NCOA4: variants seen among roughly 807,000 people sequenced by gnomAD.
NCOA4 encodes the protein nuclear receptor coactivator 4.
In NCOA4, 31 loss-of-function variants were observed where a neutral mutation model predicts 69.5. The observed-to-expected ratio is 0.45, with a 90% CI of 0.34 to 0.60. The LOEUF is 0.60. NCOA4 is among the 20% of genes least tolerant of loss of function. The probability of loss-of-function intolerance (pLI) is 0.02; values close to 1 mark genes in which losing one functional copy is unlikely to be tolerated. For missense variants in NCOA4, 600 were observed against 719.2 expected, an observed-to-expected ratio of 0.83 and a Z score of 1.90; for synonymous variants, 228 against 252.4, an observed-to-expected ratio of 0.90 and a Z score of 0.92.
chr10:46,014,224 C>T (rs1554922475), intron 5 of NCOA4, among the ~76,000 whole-genome samples: 1 of 152,094 alleles, frequency 6.6e-6, no homozygotes, highest in African/African-American at 2.4e-5. Flanking sequence ...ACCATGTTGG[C>T]CAGGCTGGTC....
chr10:46,011,460 A>G (rs1236531539), intron 7 of NCOA4, among the ~76,000 whole-genome samples: 2 of 149,688 alleles, frequency 1.3e-5, no homozygotes, highest in African/African-American at 4.9e-5. Context: ...TATTTTTAGT[A>G]GAGACGGGGT....
chr10:46,022,995 C>G (rs1408120989), intron 1 of NCOA4, among the ~76,000 whole-genome samples: 2 of 152,200 alleles, frequency 1.3e-5, no homozygotes, highest in Non-Finnish European at 1.5e-5. Flanking sequence ...TCAGAGTTTA[C>G]TAGGCTCAGA....
intron 1 of NCOA4, among the ~76,000 whole-genome samples, chr10:46,025,247 A>G (rs1483065278): frequency 2.6e-5 from 4 of 152,200 alleles, no homozygotes; most frequent in African/African-American, 9.7e-5. Context: ...AAGACAGGAG[A>G]GGAAGAATGT....
intron 2 of NCOA4, among the ~76,000 whole-genome samples, chr10:46,015,757 C>T (rs1374913979): frequency 6.6e-6 from 1 of 152,146 alleles, no homozygotes; most frequent in East Asian, 1.9e-4. Flanking sequence ...CTTTTCTCAC[C>T]CCACAGAATG....
chr10:46,022,162 C>T (rs1364755129), intron 1 of NCOA4, among the ~76,000 whole-genome samples: 2 of 152,036 alleles, frequency 1.3e-5, no homozygotes, highest in Non-Finnish European at 2.9e-5. Context: ...ATTCTCTGCC[C>T]CCCTTGCCAC....
At chr10:46,013,675 G>A (rs1178973098) in intron 5 of NCOA4, 36 bp from the exon 6 acceptor site, 1 of 1,435,250 alleles carries the variant, frequency 7.0e-7, no homozygotes, top group African/African-American at 1.4e-5. Context: ...TGTTATTTAT[G>A]CTATGCTGCC....
chr10:46,013,427 A>C, intron 6 of NCOA4, 123 bp downstream of exon 6: 1 of 685,434 alleles, frequency 1.5e-6, no homozygotes, highest in Admixed American at 3.1e-5. Flanking sequence ...TCAATTTCAT[A>C]AACTAACTCA....
Position 46,013,542 on chromosome 10 carries a change from T to C in NCOA4, c.570+8A>G. 6.3e-7 allele frequency: 1 copy of C among 1,595,510 alleles called. No homozygotes were observed. Among genetic ancestry groups the C allele is most frequent in the Non-Finnish European group, 8.6e-7 (1 of 1,165,218 alleles). ...GACTCAATTACCAAAAACAAAATGA[T>C]ATTTTACCTGCTCTGGCATGGAGAT... On this transcript the variant is annotated splice_region_variant and intron_variant, in intron 6 of 9. Coordinates refer to ENST00000581486, the MANE Select transcript of NCOA4 (RefSeq NM_001145263.2).
chr10:46,027,435 C>T, intron 1 of NCOA4: 1 of 1,551,512 alleles, frequency 6.4e-7, no homozygotes, highest in South Asian at 1.2e-5. Context: ...TGCCTACCAG[C>T]TAGAGCAAAA....
In NCOA4 at chr10:46,014,444, A is replaced by G. The variant is rs1554922545; in HGVS notation, c.480T>C (p.Ile160=). ...CAGTGAAGCATATGAGATTACTCACAATGGTTTTGAGAGACCCAAATGTGG... is the reference window on the plus strand; with the variant it reads ...CAGTGAAGCATATGAGATTACTCACGATGGTTTTGAGAGACCCAAATGTGG... ...TITTFGSLKT[I]QIPEHLMAHA... The change falls in exon 5 of 10, where the codon ATT becomes ATC. Residue 160 remains isoleucine (I), a splice_region_variant and synonymous_variant. Transcript: ENST00000581486. 7.5e-6 allele frequency: 12 copies of G among 1,598,440 alleles called. No homozygotes were observed. The South Asian group carries it at 8.8e-5, about 12-fold the overall frequency.
At chr10:46,020,980 G>A (rs1442931144) in intron 1 of NCOA4, among the ~76,000 whole-genome samples, 1 of 152,178 alleles carries the variant, frequency 6.6e-6, no homozygotes, top group South Asian at 2.1e-4. Context: ...AAATTTGGGG[G>A]TGGAGGAAGT....
rs1402561861 is a variant in NCOA4 at position 46,005,931 on chromosome 10, G to A, written c.*661C>T. The stretch of plus-strand genomic sequence containing the variant: ...CTGAGTCCTTCTAAAGAGCTCACTG[G>A]ATATTTTAATAACATTTACAGAAAG... On this transcript the variant is annotated 3_prime_UTR_variant, in exon 10 of 10. Coordinates refer to ENST00000581486, the MANE Select transcript of NCOA4 (RefSeq NM_001145263.2). 1.5e-4 allele frequency: 30 copies of A among 206,802 alleles called. 1 individual carries two copies. 12.8% of individuals were successfully genotyped at this position (206,802 alleles called of 1,614,324 possible).
chr10:46,011,434 AT>A (rs75048856), intron 7 of NCOA4, among the ~76,000 whole-genome samples: 81,207 of 145,294 alleles, frequency 0.56, 22,718 homozygotes, highest in South Asian at 0.72. Context: ...CGCCCAGCTA[AT>A]TTTTTTTTTT....
chr10:46,013,400 G>C (rs188236418), intron 6 of NCOA4, 150 bp downstream of exon 6: 2 of 616,470 alleles, frequency 3.2e-6, no homozygotes, highest in Admixed American at 6.5e-5. Flanking sequence ...TTTGGCATTA[G>C]GTCTCAAGGG....
chr10:46,022,693 C>CTGACCTCG (rs1271155712), intron 1 of NCOA4, among the ~76,000 whole-genome samples: 1 of 152,126 alleles, frequency 6.6e-6, no homozygotes, highest in East Asian at 1.9e-4. Flanking sequence ...TCTCGATCTC[C>CTGACCTCG]TGACCTCGTG....
In NCOA4 at chr10:46,010,920, G is replaced by T. The variant is rs1402751954; in HGVS notation, c.1001C>A (p.Ser334Tyr). ...GACAAGCCAATCATTCACATTATAG[G>T]ACTGGAATAAGAGCTTAAACTTCTC... ...TSEKFKLLFQ[S>Y]YNVNDWLVKT... The change falls in exon 8 of 10, where the codon TCC becomes TAC. Residue 334 changes from serine (S) to tyrosine (Y), a missense_variant. By Grantham distance (144) the Ser-to-Tyr change is moderately radical (BLOSUM62 -2). Coordinates refer to ENST00000581486, the MANE Select transcript of NCOA4 (RefSeq NM_001145263.2). 1 of 1,613,926 alleles carries T rather than the reference G, an allele frequency of 6.2e-7. No individual in the cohort carries two copies.
intron 7 of NCOA4, 50 bp downstream of exon 7, chr10:46,012,833 C>G: frequency 6.3e-7 from 1 of 1,596,862 alleles, no homozygotes. Flanking sequence ...TAGTAACTAA[C>G]TCCACCTACT....
chr10:46,015,629 G>T (rs1157548671), intron 2 of NCOA4, among the ~76,000 whole-genome samples: 15 of 152,100 alleles, frequency 9.9e-5, no homozygotes, highest in African/African-American at 3.6e-4. Context: ...GAAAATACAA[G>T]AATGTACCAG....
chr10:46,012,022 C>T (rs1258970304), intron 7 of NCOA4, among the ~76,000 whole-genome samples: 2 of 132,460 alleles, frequency 1.5e-5, no homozygotes, highest in African/African-American at 5.6e-5. Flanking sequence ...GATCCCACTA[C>T]TACACTCCAG....
Sources: gnomAD v4.1 joint callset for allele counts (sites outside exome capture counted in the v4.1 genomes callset) on GRCh38, gnomAD v4.1.1 for gene constraint, MANE v1.5 for transcripts, NCBI Gene and HGNC (gene_info 2026-07-23, HGNC 2026-07-21) for gene names.